TP63: variants seen among roughly 807,000 people sequenced by gnomAD.
TP63 encodes the protein tumor protein 63.
TP63 carries 17 observed loss-of-function variants against 82.8 expected under a neutral mutation model. The observed-to-expected ratio is 0.21, with a 90% CI of 0.14 to 0.31. TP63 has a LOEUF of 0.31. Among genes scored for constraint, TP63 ranks in the 10% least tolerant of loss-of-function variants. The pLI, the probability that TP63 is intolerant of heterozygous loss-of-function variation, is 1.00. For synonymous variants in TP63, 330 were observed against 321.7 expected (o/e 1.03, Z -0.28); for missense variants, 648 against 895.3 (o/e 0.72, Z 3.52).
intron 1 of TP63, among the ~76,000 whole-genome samples, chr3:189,643,840 A>T (rs1712152028): frequency 6.6e-6 from 1 of 152,142 alleles, no homozygotes; most frequent in African/African-American, 2.4e-5. Context: ...TTTAGACAAC[A>T]CTGCTGTTTT....
intron 1 of TP63, among the ~76,000 whole-genome samples, chr3:189,729,923 A>T (rs963590793): frequency 6.6e-6 from 1 of 152,222 alleles, no homozygotes; most frequent in Non-Finnish European, 1.5e-5. Context: ...ACTAAGTATG[A>T]TGATTAATGA....
intron 4 of TP63, among the ~76,000 whole-genome samples, chr3:189,809,206 T>C (rs1727265182): frequency 6.6e-6 from 1 of 152,166 alleles, no homozygotes; most frequent in South Asian, 2.1e-4. Flanking sequence ...CCAAAGAAAT[T>C]GTTAAAGAAA....
At chr3:189,789,655 T>A in intron 3 of TP63, 1 of 1,432,556 alleles carries the variant, frequency 7.0e-7, no homozygotes, top group Admixed American at 3.3e-5. Context: ...CCTTAAATTA[T>A]GTACAGAGAG....
At chr3:189,758,777 T>A (rs2108534318) in intron 3 of TP63, among the ~76,000 whole-genome samples, 1 of 152,346 alleles carries the variant, frequency 6.6e-6, no homozygotes, top group South Asian at 2.1e-4. Flanking sequence ...ATGCCTTGGA[T>A]ATGTTCCACT....
chr3:189,857,977 C>G (rs2108780392), intron 4 of TP63, among the ~76,000 whole-genome samples: 2 of 152,296 alleles, frequency 1.3e-5, no homozygotes, highest in South Asian at 4.1e-4. Flanking sequence ...AATCTCACTA[C>G]TAGGCATTTA....
chr3:189,701,843 G>C (rs1344069493), intron 1 of TP63, among the ~76,000 whole-genome samples: 1 of 152,064 alleles, frequency 6.6e-6, no homozygotes, highest in Non-Finnish European at 1.5e-5. Flanking sequence ...GTCATGTTCA[G>C]TACAATTAGT....
intron 1 of TP63, among the ~76,000 whole-genome samples, chr3:189,710,738 A>C (rs1718533411): frequency 6.6e-6 from 1 of 152,128 alleles, no homozygotes; most frequent in Non-Finnish European, 1.5e-5. Context: ...GGGGTGATTC[A>C]ACAGAGTCAG....
At chr3:189,866,840 A>G in intron 6 of TP63, 43 bp downstream of exon 6, 1 of 1,485,824 alleles carries the variant, frequency 6.7e-7, no homozygotes, top group East Asian at 2.3e-5. Flanking sequence ...ACCTCTATGG[A>G]CTGAGTAGAC....
intron 10 of TP63, among the ~76,000 whole-genome samples, chr3:189,884,454 A>G (rs568544195): frequency 6.6e-6 from 1 of 152,266 alleles, no homozygotes; most frequent in South Asian, 2.1e-4. Flanking sequence ...CCATTTAGCA[A>G]CATGTGATCT....
intron 3 of TP63, among the ~76,000 whole-genome samples, chr3:189,744,518 C>T (rs985498320): frequency 6.6e-6 from 1 of 152,174 alleles, no homozygotes; most frequent in African/African-American, 2.4e-5. Flanking sequence ...AGTGTGCCAC[C>T]ATTGGCAGCT....
chr3:189,791,931 AC>A (rs1476767191), intron 3 of TP63, among the ~76,000 whole-genome samples: 2 of 152,114 alleles, frequency 1.3e-5, no homozygotes, highest in African/African-American at 4.8e-5. Context: ...AAAGCAATCT[AC>A]TATTATTACA....
chr3:189,682,549 AAAAAATATATATATATATATATAT>A (rs1204509681), intron 1 of TP63, among the ~76,000 whole-genome samples: 4,549 of 30,354 alleles, frequency 0.15, 203 homozygotes, highest in Middle Eastern at 0.39. Flanking sequence ...AAAAAAAAAA[AAAAAATATATATATATATATATAT>A]ATATATATAT....
intron 3 of TP63, among the ~76,000 whole-genome samples, chr3:189,804,904 T>C (rs1284520834): frequency 6.6e-6 from 1 of 152,242 alleles, no homozygotes; most frequent in Non-Finnish European, 1.5e-5. Context: ...CCCACTTTGA[T>C]TGTGTGTAGT....
intron 3 of TP63, among the ~76,000 whole-genome samples, chr3:189,768,630 C>G (rs1381086699): frequency 6.6e-6 from 1 of 152,072 alleles, no homozygotes; most frequent in African/African-American, 2.4e-5. Context: ...ACCAAAAATT[C>G]CAAAACGTAT....
At chr3:189,668,798 A>G (rs982358444) in intron 1 of TP63, among the ~76,000 whole-genome samples, 3 of 152,134 alleles carry the variant, frequency 2.0e-5, no homozygotes, top group Non-Finnish European at 4.4e-5. Context: ...GGATTGCCAG[A>G]GGCTAAGAGT....
chr3:189,814,648 T>C (rs1436154600), intron 4 of TP63, among the ~76,000 whole-genome samples: 4 of 152,190 alleles, frequency 2.6e-5, no homozygotes. Context: ...ATAAAGTGCT[T>C]AGAGATTTTT....
chr3:189,874,459 G>A (rs182167387), intron 10 of TP63, among the ~76,000 whole-genome samples: 116 of 152,210 alleles, frequency 7.6e-4, no homozygotes, highest in Non-Finnish European at 1.0e-3. Context: ...TGGAGTAGAC[G>A]GCAGGGAGAA....
intron 1 of TP63, among the ~76,000 whole-genome samples, chr3:189,714,386 A>G (rs1348458890): frequency 2.0e-5 from 3 of 152,192 alleles, no homozygotes; most frequent in African/African-American, 7.2e-5. Context: ...GTGTAGGCTC[A>G]TTGCCTAAGA....
chr3:189,711,052 T>C (rs1718559947), intron 1 of TP63, among the ~76,000 whole-genome samples: 1 of 152,170 alleles, frequency 6.6e-6, no homozygotes, highest in African/African-American at 2.4e-5. Flanking sequence ...TTGGGAATAG[T>C]ATATAGACAC....
Sources: gnomAD v4.1 joint callset for allele counts (sites outside exome capture counted in the v4.1 genomes callset) on GRCh38, gnomAD v4.1.1 for gene constraint, MANE v1.5 for transcripts, NCBI Gene and HGNC (gene_info 2026-07-23, HGNC 2026-07-21) for gene names.